Variants in ZNF875 observed in about 807,000 individuals in gnomAD.
The protein encoded by ZNF875 is HKR1, GLI-Kruppel zinc finger family member.
A neutral mutation model predicts 11.2 loss-of-function variants in ZNF875; 14 were observed. The ratio of observed to expected loss-of-function variants is 1.26; its 90% confidence interval spans 0.83 to 1.96. The LOEUF is 1.96. ZNF875 is among the 30% of genes most tolerant of loss of function. The pLI is 0.00. For missense variants in ZNF875, 752 were observed against 760.4 expected (o/e 0.99, Z 0.13); for synonymous variants, 301 against 281.1 (o/e 1.07, Z -0.71).
intron 1 of ZNF875, among the ~76,000 whole-genome samples, chr19:37,318,342 G>A (rs760706895): frequency 4.6e-5 from 7 of 152,062 alleles, no homozygotes; most frequent in Admixed American, 2.0e-4. Flanking sequence ...TTATAATAAA[G>A]CACCCCAACC....
At chr19:37,340,761 G>A (rs1233849511) in intron 2 of ZNF875, among the ~76,000 whole-genome samples, 1 of 147,246 alleles carries the variant, frequency 6.8e-6, no homozygotes, top group East Asian at 2.0e-4. Context: ...CCATTCTCCT[G>A]CCTCAGCCTC....
At chr19:37,359,439 C>G (rs545193747) in intron 4 of ZNF875, 73 of 258,564 alleles carry the variant, frequency 2.8e-4, no homozygotes, top group Non-Finnish European at 4.9e-4. Flanking sequence ...GAGCCTTGCT[C>G]TGTTGCCAGG....
intron 1 of ZNF875, 116 bp downstream of exon 1, chr19:37,334,898 A>G (rs1019947504): frequency 4.4e-5 from 20 of 450,262 alleles, no homozygotes; most frequent in Non-Finnish European, 8.3e-5. Context: ...GGGCACCTCC[A>G]GGCCATTTTC....
At chr19:37,358,601 CCT>C (rs1427318169) in intron 4 of ZNF875, 1 of 151,478 alleles carries the variant, frequency 6.6e-6, no homozygotes, top group African/African-American at 2.4e-5. Flanking sequence ...CTCACTGCAA[CCT>C]CCACCTCCTG....
chr19:37,343,598 C>T (rs956182560), intron 2 of ZNF875, among the ~76,000 whole-genome samples: 2 of 152,108 alleles, frequency 1.3e-5, no homozygotes, highest in African/African-American at 4.8e-5. Flanking sequence ...TCCATGTGGC[C>T]TCTTCAGCAG....
At position 37,363,100 on chromosome 19, in the gene ZNF875, C is replaced by A; in HGVS notation, c.1248C>A (p.His416Gln). 1 of 1,613,924 alleles carries A rather than the reference C, an allele frequency of 6.2e-7. No individual in the cohort carries two copies. Among genetic ancestry groups the A allele is most frequent in the South Asian group, 1.1e-5 (1 of 91,050 alleles). Reference protein sequence around the residue: ...KSHLIRHLRTHTGEKPYVCTE... With the variant: ...KSHLIRHLRTQTGEKPYVCTE... ...ACCTCATCAGACACTTAAGGACACA[C>A]ACAGGAGAGAAGCCTTATGTATGCA... Residue 416 changes from histidine to glutamine, a missense_variant, in exon 5 of 5, where the codon CAC (histidine) becomes CAA (glutamine). Physicochemically the swap from His to Gln is conservative, Grantham distance 24. Coordinates refer to ENST00000392153, the MANE Select transcript of ZNF875 (RefSeq NM_001353803.2).
chr19:37,326,476 GT>G (rs2032458301), intron 4 of ZNF875, among the ~76,000 whole-genome samples: 1 of 152,000 alleles, frequency 6.6e-6, no homozygotes, highest in African/African-American at 2.4e-5. Context: ...AAGGGTCACA[GT>G]TTTCCTCTCA....
rs1172259646 is a variant in ZNF875 at position 37,344,913 on chromosome 19, GA to G, written c.34-2275del. The stretch of plus-strand genomic sequence containing the variant: ...CACAACAGGGACTAGGCAGATACCT[GA>G]ATAGCCTTTTTCTCTCCAGTGTTTA... On this transcript the variant is annotated intron_variant, in intron 2 of 4. Transcript: ENST00000392153. The G allele has an allele frequency of 7.5e-6, 5 of 664,972 alleles. No individual in the cohort carries two copies. The African/African-American group carries it at 8.9e-5, about 12-fold the overall frequency. 41.2% of individuals were successfully genotyped at this position (664,972 alleles called of 1,614,324 possible). A position where few individuals can be genotyped will look rare whatever the true frequency, so the allele number is the denominator to read the frequency against.
intron 4 of ZNF875, among the ~76,000 whole-genome samples, chr19:37,325,837 A>G (rs1046608439): frequency 8.5e-5 from 13 of 152,098 alleles, no homozygotes; most frequent in African/African-American, 3.1e-4. Flanking sequence ...CCTCCCAAGT[A>G]GCTGGGACCA....
upstream of ZNF875, chr19:37,315,414 C>T (rs1226186277): frequency 6.6e-6 from 1 of 152,150 alleles, no homozygotes; most frequent in East Asian, 1.9e-4. Context: ...CAAATTCTCC[C>T]TGTGTTTGGG....
Position 37,356,430 on chromosome 19 carries a change from TTTTG to T in ZNF875, c.257-5659_257-5656del, listed in dbSNP as rs748955956. Reference sequence around the variant, plus strand: ...TGTGCATCCTCACTAACATCTGTTTTTTTGTTTGTTTGTTTGTTTGTTTAACTTT... The same window carrying T: ...TGTGCATCCTCACTAACATCTGTTTTTTTGTTTGTTTGTTTGTTTAACTTT... On this transcript the variant is annotated intron_variant, in intron 4 of 4. Transcript: ENST00000392153. Among the ~76,000 whole-genome samples, 49 of 152,296 alleles carry T rather than the reference TTTTG, an allele frequency of 3.2e-4. 1 individual carries two copies. Among genetic ancestry groups the T allele is most frequent in the Middle Eastern group, 6.8e-3 (2 of 294 alleles).
intron 1 of ZNF875, 182 bp from the exon 2 acceptor site, chr19:37,334,987 G>C (rs1468614295): frequency 1.9e-6 from 1 of 529,618 alleles, no homozygotes; most frequent in Admixed American, 2.9e-5. Flanking sequence ...CCTGTCCCGA[G>C]CTTGCGGCTG....
Position 37,362,730 on chromosome 19 carries a change from G to T in ZNF875, c.878G>T (p.Trp293Leu). The change falls in exon 5 of 5, where the codon TGG becomes TTG. Residue 293 changes from tryptophan (W) to leucine (L), a missense_variant. Trp to Leu is a moderately conservative substitution (Grantham distance 61). Coordinates refer to ENST00000392153, the MANE Select transcript of ZNF875 (RefSeq NM_001353803.2). The stretch of plus-strand genomic sequence containing the variant: ...AGGGAATGTGGGCGAGGCTTTACGT[G>T]GAAGTCAAACCTGATCACACATCAG... Reference protein sequence around the residue: ...VCRECGRGFTWKSNLITHQRT... With the variant: ...VCRECGRGFTLKSNLITHQRT... 1 of 1,611,808 alleles carries T rather than the reference G, an allele frequency of 6.2e-7. No homozygotes were observed. Among genetic ancestry groups the T allele is most frequent in the Middle Eastern group, 1.7e-4 (1 of 6,036 alleles).
chr19:37,334,167 T>C (rs1380601365), upstream of ZNF875, among the ~76,000 whole-genome samples: 4 of 152,300 alleles, frequency 2.6e-5, no homozygotes, highest in Non-Finnish European at 5.9e-5. Context: ...TTCCCTGTCC[T>C]GGTACACCCT....
chr19:37,358,398 G>A (rs1329818317), intron 4 of ZNF875: 2 of 153,576 alleles, frequency 1.3e-5, no homozygotes, highest in East Asian at 3.8e-4. Context: ...GCCTCCCAAA[G>A]TGCTAGGATT....
upstream of ZNF875, among the ~76,000 whole-genome samples, chr19:37,332,953 C>T (rs2033631852): frequency 6.6e-6 from 1 of 152,184 alleles, no homozygotes; most frequent in Non-Finnish European, 1.5e-5. Context: ...TGGCACACAG[C>T]ACTGAGTAAC....
At chr19:37,349,241 CT>C (rs2037394694) in intron 4 of ZNF875, among the ~76,000 whole-genome samples, 1 of 152,190 alleles carries the variant, frequency 6.6e-6, no homozygotes, top group African/African-American at 2.4e-5. Flanking sequence ...TGCAACAACC[CT>C]GTTTCCAAAT....
chr19:37,335,126 G>A (rs1000287857), intron 1 of ZNF875, 43 bp from the exon 2 acceptor site: 2 of 681,500 alleles, frequency 2.9e-6, no homozygotes, highest in Non-Finnish European at 5.4e-6. Flanking sequence ...CGTGGGGAGG[G>A]TGTTTCCACC....
upstream of ZNF875, among the ~76,000 whole-genome samples, chr19:37,330,926 G>A (rs530753321): frequency 7.2e-5 from 11 of 152,144 alleles, no homozygotes; most frequent in Admixed American, 7.2e-4. Flanking sequence ...GGTGGCTCAC[G>A]CCTGTAATCC....
Sources: gnomAD v4.1 joint callset for allele counts (sites outside exome capture counted in the v4.1 genomes callset) on GRCh38, gnomAD v4.1.1 for gene constraint, MANE v1.5 for transcripts, NCBI Gene and HGNC (gene_info 2026-07-23, HGNC 2026-07-21) for gene names.